The following AMPD1 variants were observed in gnomAD, a reference collection of about 807,000 sequenced individuals.
The protein encoded by AMPD1 is adenosine monophosphate deaminase 1.
Under a neutral mutation model 82.9 loss-of-function variants are expected in AMPD1, and 74 were observed. The observed-to-expected ratio is 0.89, with a 90% CI of 0.74 to 1.08. The LOEUF (loss-of-function observed/expected upper bound fraction) is 1.08. AMPD1 is among the 50% of genes least tolerant of loss of function. The probability of loss-of-function intolerance (pLI) is 0.00; values close to 1 mark genes in which losing one functional copy is unlikely to be tolerated. For missense variants in AMPD1, 881 were observed against 924.5 expected (o/e 0.95, Z 0.61); for synonymous variants, 333 against 320.5 (o/e 1.04, Z -0.42).
At chr1:114,686,580 A>C (rs975259601) in intron 4 of AMPD1, among the ~76,000 whole-genome samples, 165 bp downstream of exon 4, 1 of 152,252 alleles carries the variant, frequency 6.6e-6, no homozygotes, top group African/African-American at 2.4e-5. Context: ...CAACAGAAAC[A>C]TAAGACATAC....
Position 114,686,729 on chromosome 1 carries a change from G to C in AMPD1, c.381+16C>G. On this transcript the variant is annotated intron_variant, in intron 4 of 15. Coordinates refer to ENST00000520113, the MANE Select transcript of AMPD1 (RefSeq NM_000036.3). ...GCTTCCTGGTTGCTAAGTCTGAGTG[G>C]CAAGGACCAACTCACCCCAGAGGCA... 6.2e-7 allele frequency: 1 copy of C among 1,613,746 alleles called. No homozygotes were observed. The highest frequency in any genetic ancestry group is 8.5e-7 in the Non-Finnish European group (1 of 1,179,762).
At chr1:114,675,820 C>T in intron 11 of AMPD1, 57 bp downstream of exon 11, 2 of 1,613,802 alleles carry the variant, frequency 1.2e-6, no homozygotes, top group Non-Finnish European at 1.7e-6. Context: ...TAGTCATGAC[C>T]AGGTAGGAAG....
At chr1:114,681,223 A>T (rs1288985907) in intron 5 of AMPD1, among the ~76,000 whole-genome samples, 1 of 152,174 alleles carries the variant, frequency 6.6e-6, no homozygotes, top group Non-Finnish European at 1.5e-5. Flanking sequence ...CCTTTTTATT[A>T]GGCGTAATTT....
At chr1:114,692,497 C>T (rs768226306) in intron 2 of AMPD1, among the ~76,000 whole-genome samples, 3 of 151,868 alleles carry the variant, frequency 2.0e-5, no homozygotes, top group Non-Finnish European at 2.9e-5. Context: ...ACCAACCTGG[C>T]CAATGGTGAA....
intron 4 of AMPD1, among the ~76,000 whole-genome samples, chr1:114,685,836 C>T (rs1658302324): frequency 6.6e-6 from 1 of 152,108 alleles, no homozygotes; most frequent in Non-Finnish European, 1.5e-5. Context: ...TTAGAGAGCA[C>T]CCATGTTATA....
intron 1 of AMPD1, among the ~76,000 whole-genome samples, chr1:114,694,076 G>A (rs1199598253): frequency 2.6e-5 from 4 of 151,992 alleles, no homozygotes; most frequent in South Asian, 2.1e-4. Flanking sequence ...AAAATTAGCC[G>A]GGCGTGGTGG....
chr1:114,674,940 T>C, intron 12 of AMPD1, 68 bp from the exon 13 acceptor site: 3 of 1,595,778 alleles, frequency 1.9e-6, no homozygotes, highest in Non-Finnish European at 2.6e-6. Flanking sequence ...GAAAATTCAG[T>C]AGAAAAGTGA....
At chr1:114,678,673 G>A (rs1189731988) in intron 7 of AMPD1, 146 bp from the exon 8 acceptor site, 2 of 809,590 alleles carry the variant, frequency 2.5e-6, no homozygotes, top group East Asian at 5.3e-5. Context: ...AGGTGGTCCA[G>A]CAATAAAAAA....
At chr1:114,678,618 G>A (rs1188263507) in intron 7 of AMPD1, 91 bp from the exon 8 acceptor site, 22 of 1,189,586 alleles carry the variant, frequency 1.8e-5, no homozygotes, top group East Asian at 2.4e-5. Flanking sequence ...ATCCCACTGC[G>A]TTGGGACAAA....
At chr1:114,687,418 C>A (rs888347608) in intron 3 of AMPD1, among the ~76,000 whole-genome samples, 2 of 152,146 alleles carry the variant, frequency 1.3e-5, no homozygotes, top group Non-Finnish European at 2.9e-5. Flanking sequence ...CTCAAATCAA[C>A]AAGTATTTGT....
At position 114,684,370 on chromosome 1, in the gene AMPD1, A is replaced by C. The variant is rs77923723; in HGVS notation, c.382-6T>G. 1.7e-6 allele frequency: 1 copy of C among 584,400 alleles called. No homozygotes were observed. The highest frequency in any genetic ancestry group is 2.6e-6 in the Non-Finnish European group (1 of 391,770). 36.2% of individuals were successfully genotyped at this position (584,400 alleles called of 1,614,324 possible). A position where few individuals can be genotyped will look rare whatever the true frequency, so the allele number is the denominator to read the frequency against. ...TCAAAATCTTCAACTGTAACCTGCC[A>C]AAAAAAAAAAAGTCAGCATATCAGA... On this transcript the variant is annotated splice_polypyrimidine_tract_variant and splice_region_variant and intron_variant, in intron 4 of 15. Transcript: ENST00000520113.
Position 114,688,851 on chromosome 1 carries a change from C to T in AMPD1, c.35-110G>A, listed in dbSNP as rs942744710. 1.4e-5 allele frequency: 18 copies of T among 1,249,844 alleles called. 2 individuals carry two copies. In the Admixed American group the frequency reaches 2.4e-4, roughly 16 times the overall value. The allele number at this position is 1,249,844 out of a possible 1,614,324, so 77.4% of individuals were successfully genotyped here. A position where few individuals can be genotyped will look rare whatever the true frequency, so the allele number is the denominator to read the frequency against. Reference sequence around the variant, plus strand: ...AGGACTGTGCTGCGTGCATGGCTCTCCTGCTTTCCAACCAGGGTCCAACAC... The same window carrying T: ...AGGACTGTGCTGCGTGCATGGCTCTTCTGCTTTCCAACCAGGGTCCAACAC... On this transcript the variant is annotated intron_variant, in intron 2 of 15. Coordinates refer to ENST00000520113, the MANE Select transcript of AMPD1 (RefSeq NM_000036.3).
chr1:114,678,421 T>A lies in AMPD1; in HGVS notation c.1004A>T (p.Lys335Ile). Residue 335 changes from lysine to isoleucine, a missense_variant, in exon 8 of 16, where the codon AAA becomes ATA. Physicochemically the swap from Lys to Ile is moderately radical, Grantham distance 102. This residue lies in a region of AMPD1 where 783 missense variants were observed against 786.4 expected (regional missense o/e 1.00). Coordinates refer to ENST00000520113, the MANE Select transcript of AMPD1 (RefSeq NM_000036.3). ...TTCCTTTAGGGTCAGATTCTTCTCT[T>A]TGGTGCTATAGACCACTCTGTCAGC... ...IDADRVVYST[K>I]EKNLTLKELF... 6.2e-7 allele frequency: 1 copy of A among 1,614,178 alleles called. No individual in the cohort carries two copies. The highest frequency in any genetic ancestry group is 8.5e-7 in the Non-Finnish European group (1 of 1,180,018).
chr1:114,680,869 G>A (rs1658138486), intron 5 of AMPD1, among the ~76,000 whole-genome samples: 1 of 152,172 alleles, frequency 6.6e-6, no homozygotes, highest in Non-Finnish European at 1.5e-5. Flanking sequence ...TCAGGAGGCT[G>A]AGGCGAGAGA....
chr1:114,678,644 G>T, intron 7 of AMPD1, 117 bp from the exon 8 acceptor site: 1 of 959,414 alleles, frequency 1.0e-6, no homozygotes, highest in Non-Finnish European at 1.6e-6. Context: ...TAATGAGGAT[G>T]TGAGCTGACA....
chr1:114,677,772 C>CCCTT (rs1171158884), intron 9 of AMPD1, 138 bp downstream of exon 9: 156 of 563,306 alleles, frequency 2.8e-4, no homozygotes, highest in African/African-American at 2.7e-3. Flanking sequence ...CTCCCTCCCT[C>CCCTT]CCTTCCTTCC....
Position 114,675,949 on chromosome 1 carries a change from A to G in AMPD1, c.1443T>C (p.Asn481=). Residue 481 remains asparagine (N), a synonymous_variant, in exon 11 of 16, where the codon AAT becomes AAC. Transcript: ENST00000520113. ...FLPHFGKMLE[N]IFMPVFEATI... Reference sequence around the variant, plus strand: ...TGGCCTCAAACACTGGCATGAAAATATTCTCCAGCATTTTTCCAAAATGTG... The same window carrying G: ...TGGCCTCAAACACTGGCATGAAAATGTTCTCCAGCATTTTTCCAAAATGTG... 1.2e-6 allele frequency: 2 copies of G among 1,614,146 alleles called. No individual in the cohort carries two copies. Among genetic ancestry groups the G allele is most frequent in the Non-Finnish European group, 1.7e-6 (2 of 1,180,004 alleles).
rs143712146 is a variant in AMPD1 at position 114,680,693 on chromosome 1, G to A, written c.548-215C>T. ...TATAAAAATAATATATTGGCCAGGC[G>A]CAGTGGCTCGTGCCTGTAATCCCAG... is the stretch of plus-strand genomic sequence containing the variant. On this transcript the variant is annotated intron_variant, in intron 5 of 15. Coordinates refer to ENST00000520113, the MANE Select transcript of AMPD1 (RefSeq NM_000036.3). Among the ~76,000 whole-genome samples, 10,768 of 152,234 alleles carry A rather than the reference G, an allele frequency of 0.071. 433 individuals are homozygous for A. The highest frequency in any genetic ancestry group is 0.099 in the Middle Eastern group (29 of 294).
chr1:114,674,471 A>G (rs1657923371), intron 13 of AMPD1, among the ~76,000 whole-genome samples: 1 of 152,218 alleles, frequency 6.6e-6, no homozygotes, highest in Non-Finnish European at 1.5e-5. Flanking sequence ...AAACTAGCTT[A>G]AGGAAAGCCA....
Sources: gnomAD v4.1 joint callset for allele counts (sites outside exome capture counted in the v4.1 genomes callset) on GRCh38, gnomAD v4.1.1 for gene constraint, gnomAD v4.1.1 regional missense constraint, MANE v1.5 for transcripts, NCBI Gene and HGNC (gene_info 2026-07-23, HGNC 2026-07-21) for gene names.